Variants in NPAS3 observed in about 807,000 individuals in gnomAD.
NPAS3 encodes neuronal PAS domain-containing protein 3.
In NPAS3, 14 loss-of-function variants were observed where a neutral mutation model predicts 73.1. The ratio of observed to expected loss-of-function variants is 0.19; its 90% CI spans 0.13 to 0.30. NPAS3 has a LOEUF of 0.30. Among genes scored for constraint, NPAS3 ranks in the 10% least tolerant of loss-of-function variants. NPAS3 has a pLI of 1.00. For missense variants in NPAS3, 1,096 were observed against 1,250.0 expected, an observed-to-expected ratio of 0.88 and a Z score of 1.86; for synonymous variants, 620 against 541.5, an observed-to-expected ratio of 1.14 and a Z score of -2.01.
chr14:33,166,047 C>T (rs1405844851), intron 2 of NPAS3, among the ~76,000 whole-genome samples: 1 of 152,164 alleles, frequency 6.6e-6, no homozygotes, highest in African/African-American at 2.4e-5. Context: ...TGTGGTCTCC[C>T]CACCATGCCT....
chr14:32,962,971 G>A (rs1250108430), intron 1 of NPAS3, among the ~76,000 whole-genome samples: 1 of 150,034 alleles, frequency 6.7e-6, no homozygotes, highest in Non-Finnish European at 1.5e-5. Flanking sequence ...TGCCTCAGCT[G>A]CCTAACCACA....
rs368615733 is a variant in NPAS3 at position 33,757,037 on chromosome 14, G to A, written c.853-17300G>A. On this transcript the variant is annotated intron_variant, in intron 7 of 11. Coordinates refer to ENST00000356141, the Ensembl canonical transcript of NPAS3. ...AGGAATTCTTGGTCTGAAAGGTGATGTGAGAAAAGATATGGAGAAGATAAA... is the reference window on the plus strand; with the variant it reads ...AGGAATTCTTGGTCTGAAAGGTGATATGAGAAAAGATATGGAGAAGATAAA... Among the ~76,000 whole-genome samples the A allele has an allele frequency of 6.7e-4, 102 of 152,356 alleles. 1 individual carries two copies. The highest frequency in any genetic ancestry group is 6.8e-3 in the Middle Eastern group (2 of 294).
chr14:33,046,319 C>A (rs924476261), intron 1 of NPAS3, among the ~76,000 whole-genome samples: 1 of 152,060 alleles, frequency 6.6e-6, no homozygotes, highest in Admixed American at 6.6e-5. Flanking sequence ...TAGGCAGGAG[C>A]CTTGCATGCC....
chr14:33,752,301 T>C (rs1278832595), intron 7 of NPAS3, among the ~76,000 whole-genome samples: 1 of 152,186 alleles, frequency 6.6e-6, no homozygotes, highest in African/African-American at 2.4e-5. Context: ...TGCTCTCAAC[T>C]GCTCTCAAAT....
chr14:33,688,196 C>A (rs1043449668), intron 6 of NPAS3, among the ~76,000 whole-genome samples: 1 of 152,060 alleles, frequency 6.6e-6, no homozygotes, highest in Non-Finnish European at 1.5e-5. Context: ...AGCATAGTAC[C>A]CAATAGGTCG....
intron 2 of NPAS3, among the ~76,000 whole-genome samples, chr14:33,154,432 C>T (rs2044574327): frequency 6.6e-6 from 1 of 152,234 alleles, no homozygotes; most frequent in African/African-American, 2.4e-5. Context: ...GGAAGCTGCG[C>T]TTTGAGCCCC....
chr14:33,654,674 C>T (rs1378967205), intron 5 of NPAS3, among the ~76,000 whole-genome samples: 2 of 152,162 alleles, frequency 1.3e-5, no homozygotes, highest in African/African-American at 2.4e-5. Flanking sequence ...ATAGACCACA[C>T]CATGCTGCTG....
chr14:33,610,645 T>G (rs949600744), intron 5 of NPAS3, among the ~76,000 whole-genome samples: 3 of 152,234 alleles, frequency 2.0e-5, no homozygotes, highest in Admixed American at 2.0e-4. Context: ...AGGATCAAAA[T>G]AGCAATGTAG....
intron 5 of NPAS3, among the ~76,000 whole-genome samples, chr14:33,669,630 A>G (rs1214921074): frequency 8.5e-5 from 13 of 152,192 alleles, no homozygotes; most frequent in Admixed American, 8.5e-4. Context: ...GAGATCTTCA[A>G]AGAGTTTGTG....
At chr14:33,250,701 T>A (rs1452375499) in intron 3 of NPAS3, among the ~76,000 whole-genome samples, 1 of 152,126 alleles carries the variant, frequency 6.6e-6, no homozygotes, top group Admixed American at 6.6e-5. Flanking sequence ...TTATGAATGA[T>A]CCTCTTTTTT....
chr14:33,737,523 A>G (rs2061552645), intron 7 of NPAS3, among the ~76,000 whole-genome samples: 1 of 152,084 alleles, frequency 6.6e-6, no homozygotes, highest in Non-Finnish European at 1.5e-5. Flanking sequence ...ATACCATGAG[A>G]GTCTCCAGCC....
At chr14:33,728,425 G>C (rs1484441119) in intron 6 of NPAS3, among the ~76,000 whole-genome samples, 1 of 152,198 alleles carries the variant, frequency 6.6e-6, no homozygotes, top group Non-Finnish European at 1.5e-5. Flanking sequence ...AAACAATGCT[G>C]AAGACTCACA....
intron 2 of NPAS3, among the ~76,000 whole-genome samples, chr14:33,197,232 G>A (rs1002881393): frequency 2.3e-5 from 1 of 42,782 alleles, no homozygotes; most frequent in Non-Finnish European, 5.5e-5. Context: ...ATGCACTCCA[G>A]CAGGCTGTGT....
chr14:33,295,093 G>T (rs962982148), intron 3 of NPAS3, among the ~76,000 whole-genome samples: 1 of 152,160 alleles, frequency 6.6e-6, no homozygotes, highest in Non-Finnish European at 1.5e-5. Context: ...TTTCAACCAA[G>T]TGTGTTGTTG....
At chr14:33,312,522 A>G (rs549266900) in intron 3 of NPAS3, among the ~76,000 whole-genome samples, 23 of 152,226 alleles carry the variant, frequency 1.5e-4, no homozygotes, top group African/African-American at 5.5e-4. Flanking sequence ...TTTGAATTAA[A>G]AAGTTGCAAC....
At chr14:33,200,090 G>A (rs1239695918) in intron 2 of NPAS3, among the ~76,000 whole-genome samples, 1 of 151,896 alleles carries the variant, frequency 6.6e-6, no homozygotes, top group African/African-American at 2.4e-5. Flanking sequence ...TGTCACCATA[G>A]TGAGCTGATT....
At chr14:33,563,692 A>G (rs1286535891) in intron 5 of NPAS3, among the ~76,000 whole-genome samples, 1 of 152,186 alleles carries the variant, frequency 6.6e-6, no homozygotes, top group Non-Finnish European at 1.5e-5. Flanking sequence ...CTTATCTTAA[A>G]GGAAGATTCC....
At chr14:32,946,319 T>TC (rs1238295568) in intron 1 of NPAS3, among the ~76,000 whole-genome samples, 1 of 141,796 alleles carries the variant, frequency 7.1e-6, no homozygotes, top group Non-Finnish European at 1.5e-5. Flanking sequence ...AGTTATTTAC[T>TC]CCCCCATCCC....
At chr14:33,529,645 GT>G (rs1160563022) in intron 4 of NPAS3, among the ~76,000 whole-genome samples, 1 of 151,602 alleles carries the variant, frequency 6.6e-6, no homozygotes, top group Non-Finnish European at 1.5e-5. Context: ...ATGTATGTAT[GT>G]TTTTTTTCTT....
Sources: allele counts gnomAD v4.1 joint callset (sites outside exome capture counted in the v4.1 genomes callset), GRCh38; gene constraint gnomAD v4.1.1; transcripts MANE v1.5; gene names NCBI Gene and HGNC (gene_info 2026-07-23, HGNC 2026-07-21).